Variants in KAZN observed in about 807,000 individuals in gnomAD.
The protein encoded by KAZN is kazrin, periplakin interacting protein, also known as kazrin.
Under a neutral mutation model 87.4 loss-of-function variants are expected in KAZN, and 40 were observed. The ratio of observed to expected loss-of-function variants is 0.46; its 90% confidence interval spans 0.36 to 0.60. The LOEUF (loss-of-function observed/expected upper bound fraction) is 0.60. Ranked by LOEUF, KAZN falls within the 20% of genes least tolerant of loss-of-function variation. KAZN has a pLI of 0.00. For missense variants in KAZN, 898 were observed against 1,073.9 expected (o/e 0.84, Z 2.29); for synonymous variants, 466 against 458.3 (o/e 1.02, Z -0.22).
chr1:14,158,420 T>A (rs922288215), intron 1 of KAZN, among the ~76,000 whole-genome samples: 1 of 152,166 alleles, frequency 6.6e-6, no homozygotes, highest in African/African-American at 2.4e-5. Context: ...AGTATGCCAA[T>A]TGCATTATTC....
chr1:14,075,323 AC>A (rs1185793957), intron 1 of KAZN, among the ~76,000 whole-genome samples: 2 of 152,066 alleles, frequency 1.3e-5, no homozygotes, highest in Admixed American at 1.3e-4. Context: ...GCCTTCTGCC[AC>A]CCCTGGCAGA....
intron 1 of KAZN, chr1:13,893,880 A>G: frequency 3.5e-6 from 4 of 1,152,214 alleles, no homozygotes; most frequent in Non-Finnish European, 4.8e-6. Context: ...CTTTCTTGAT[A>G]TAATGTGGGA....
rs937228637 is a variant in KAZN at position 15,032,140 on chromosome 1, C to T, written c.419-2609C>T. On this transcript the variant is annotated intron_variant, in intron 2 of 14. Coordinates refer to ENST00000376030, the MANE Select transcript of KAZN (RefSeq NM_201628.3). ...CACCCAGCCCGAGGCAGACGCTTAT[C>T]TCCTTTCTGTCTCTATAGATTTTCC... Among the ~76,000 whole-genome samples the T allele has an allele frequency of 4.0e-5, 6 of 150,110 alleles. No individual in the cohort carries two copies. The South Asian group carries it at 1.3e-3, about 32-fold the overall frequency.
chr1:14,216,904 C>CA (rs972656479), intron 2 of KAZN, among the ~76,000 whole-genome samples: 2 of 151,440 alleles, frequency 1.3e-5, no homozygotes, highest in African/African-American at 4.9e-5. Context: ...AACTCTGTCT[C>CA]AAAAAATAAA....
chr1:14,271,999 G>A (rs1651978388), intron 2 of KAZN, among the ~76,000 whole-genome samples: 1 of 152,238 alleles, frequency 6.6e-6, no homozygotes, highest in Non-Finnish European at 1.5e-5. Context: ...TTCACAGAGT[G>A]ATAGTAAAGA....
chr1:15,027,126 G>C (rs1671255420), intron 2 of KAZN, among the ~76,000 whole-genome samples: 1 of 119,212 alleles, frequency 8.4e-6, no homozygotes, highest in African/African-American at 3.3e-5. Flanking sequence ...CTGTCGCCCA[G>C]GCTGGAGTGC....
chr1:14,274,230 C>A (rs527598207), intron 2 of KAZN, among the ~76,000 whole-genome samples: 6 of 152,312 alleles, frequency 3.9e-5, no homozygotes, highest in Admixed American at 2.0e-4. Flanking sequence ...TTATTACAAG[C>A]CTTTTCAGTA....
At chr1:14,881,233 G>A (rs938294409) in intron 1 of KAZN, among the ~76,000 whole-genome samples, 3 of 152,184 alleles carry the variant, frequency 2.0e-5, no homozygotes, top group African/African-American at 7.2e-5. Flanking sequence ...TGATAAGCAG[G>A]GTGTTTCCAG....
chr1:14,302,052 C>T (rs532629520), intron 2 of KAZN, among the ~76,000 whole-genome samples: 2 of 152,286 alleles, frequency 1.3e-5, no homozygotes, highest in African/African-American at 4.8e-5. Flanking sequence ...CAAGATCTGG[C>T]ACTTGGATAC....
chr1:15,103,298 T>G, intron 11 of KAZN, 61 bp from the exon 12 acceptor site: 1 of 1,273,702 alleles, frequency 7.9e-7, no homozygotes, highest in Admixed American at 2.0e-5. Flanking sequence ...GCACCCCCAC[T>G]CCACACGTGG....
intron 11 of KAZN, among the ~76,000 whole-genome samples, chr1:15,102,131 T>C (rs895232704): frequency 2.6e-5 from 4 of 152,142 alleles, no homozygotes; most frequent in Non-Finnish European, 5.9e-5. Context: ...GCCAATATTG[T>C]GGGAGATTGT....
At position 14,691,147 on chromosome 1, in the gene KAZN, G is replaced by A. The variant is rs185957126; in HGVS notation, c.226+91924G>A. On this transcript the variant is annotated intron_variant, in intron 1 of 14. Transcript: ENST00000376030. ...ATGTTAAATTTTTTAAAGCTTTGGG[G>A]ATTTTTGACTATTGATGGATGGCTC... 5.8e-3 allele frequency among the ~76,000 whole-genome samples: 878 copies of A among 152,258 alleles called. 8 individuals are homozygous for A. Among genetic ancestry groups the A allele is most frequent in the African/African-American group, 0.019 (804 of 41,552 alleles).
intron 1 of KAZN, among the ~76,000 whole-genome samples, chr1:14,146,705 G>GA (rs34508324): frequency 7.1e-4 from 98 of 137,306 alleles, no homozygotes; most frequent in South Asian, 2.1e-3. Context: ...GATCATCTCA[G>GA]AAAAAAAAAA....
intron 8 of KAZN, among the ~76,000 whole-genome samples, chr1:15,082,153 T>C (rs975884244): frequency 2.0e-5 from 3 of 151,026 alleles, no homozygotes; most frequent in African/African-American, 7.3e-5. Context: ...GCAGCCGAGG[T>C]CCAAGTGCTC....
At chr1:14,083,337 A>C (rs898493143) in intron 1 of KAZN, among the ~76,000 whole-genome samples, 1 of 152,248 alleles carries the variant, frequency 6.6e-6, no homozygotes, top group Non-Finnish European at 1.5e-5. Context: ...ATAAATGTGG[A>C]AATCAATATG....
chr1:15,039,388 C>T, intron 3 of KAZN, among the ~76,000 whole-genome samples: 1 of 152,222 alleles, frequency 6.6e-6, no homozygotes, highest in South Asian at 2.1e-4. Context: ...GGCCACCGTC[C>T]CCACACCACT....
At chr1:14,940,697 T>G (rs963818138) in intron 1 of KAZN, among the ~76,000 whole-genome samples, 1 of 152,116 alleles carries the variant, frequency 6.6e-6, no homozygotes, top group Non-Finnish European at 1.5e-5. Context: ...CGGGCTGAGC[T>G]GTGTGTTCCT....
At chr1:14,101,692 G>A (rs747956994) in intron 1 of KAZN, among the ~76,000 whole-genome samples, 17 of 152,152 alleles carry the variant, frequency 1.1e-4, no homozygotes, top group Non-Finnish European at 1.6e-4. Context: ...TTTTTAGTGA[G>A]TTTCCTTTAA....
chr1:15,024,946 G>T (rs905472690), intron 2 of KAZN, among the ~76,000 whole-genome samples: 2 of 152,148 alleles, frequency 1.3e-5, no homozygotes, highest in Non-Finnish European at 1.5e-5. Flanking sequence ...AGCATGGCCT[G>T]TCCCTCCCAG....
Sources: allele counts gnomAD v4.1 joint callset (sites outside exome capture counted in the v4.1 genomes callset), GRCh38; gene constraint gnomAD v4.1.1; transcripts MANE v1.5; gene names NCBI Gene and HGNC (gene_info 2026-07-23, HGNC 2026-07-21).